C1orf185: variants seen among roughly 807,000 people sequenced by gnomAD.
C1orf185 encodes uncharacterized protein C1orf185.
In C1orf185, 13 loss-of-function variants were observed where a neutral mutation model predicts 16.1. The observed-to-expected ratio is 0.81, with a 90% CI of 0.53 to 1.28. The LOEUF (loss-of-function observed/expected upper bound fraction) is 1.28, where lower values mean the gene tolerates loss of function less well. Among genes scored for constraint, C1orf185 ranks in the 50% most tolerant of loss-of-function variants. C1orf185 has a pLI of 0.00. For missense variants in C1orf185, 220 were observed against 225.2 expected, an observed-to-expected ratio of 0.98 and a Z score of 0.15; for synonymous variants, 80 against 76.9, an observed-to-expected ratio of 1.04 and a Z score of -0.21.
At chr1:51,151,769 A>C (rs1646430324), downstream of C1orf185, among the ~76,000 whole-genome samples, 1 of 151,956 alleles carries the variant, frequency 6.6e-6, no homozygotes, top group South Asian at 2.1e-4. Flanking sequence ...GGCTCACTGC[A>C]ACCTCCGCCA....
At chr1:51,142,610 A>G (rs1646372503) in intron 3 of C1orf185, among the ~76,000 whole-genome samples, 2 of 152,168 alleles carry the variant, frequency 1.3e-5, no homozygotes, top group African/African-American at 4.8e-5. Context: ...CTCTCCTTGA[A>G]TGAGTTTTGG....
At chr1:51,152,236 G>A (rs574758188), downstream of C1orf185, among the ~76,000 whole-genome samples, 4 of 152,288 alleles carry the variant, frequency 2.6e-5, no homozygotes, top group African/African-American at 7.2e-5. Flanking sequence ...GACATAGGGC[G>A]GAGGAGTAAG....
chr1:51,123,393 T>C (rs997542521), intron 3 of C1orf185, among the ~76,000 whole-genome samples: 7 of 152,234 alleles, frequency 4.6e-5, no homozygotes, highest in African/African-American at 1.7e-4. Context: ...TTGTATACCA[T>C]AGTTTATTTA....
chr1:51,150,553 C>T (rs911896010), downstream of C1orf185, among the ~76,000 whole-genome samples: 2 of 152,102 alleles, frequency 1.3e-5, no homozygotes, highest in Non-Finnish European at 2.9e-5. Context: ...AATCTTACTC[C>T]ATATCATAGG....
chr1:51,123,455 T>C (rs958283505), intron 3 of C1orf185, among the ~76,000 whole-genome samples: 1 of 152,256 alleles, frequency 6.6e-6, no homozygotes. Context: ...TTGGCAATTA[T>C]GAATAAAGTT....
At chr1:51,148,246 C>A (rs1216536959), downstream of C1orf185, among the ~76,000 whole-genome samples, 5 of 152,160 alleles carry the variant, frequency 3.3e-5, no homozygotes, top group African/African-American at 1.2e-4. Context: ...GCTTCAGCCT[C>A]CTGAGTAGCT....
At chr1:51,115,991 T>G (rs990785911) in intron 2 of C1orf185, among the ~76,000 whole-genome samples, 1 of 152,140 alleles carries the variant, frequency 6.6e-6, no homozygotes, top group Non-Finnish European at 1.5e-5. Flanking sequence ...AGCTCAGCCA[T>G]TTACTGAGAC....
chr1:51,138,297 A>G (rs1022267927), intron 3 of C1orf185, among the ~76,000 whole-genome samples: 5 of 152,252 alleles, frequency 3.3e-5, no homozygotes, highest in African/African-American at 1.2e-4. Context: ...TAAAATACAC[A>G]TAACAAAATT....
chr1:51,113,659 T>A (rs537639044), intron 2 of C1orf185, among the ~76,000 whole-genome samples: 2 of 152,284 alleles, frequency 1.3e-5, no homozygotes, highest in East Asian at 3.9e-4. Context: ...CACTACAGCC[T>A]GGGTGAAAAG....
intron 2 of C1orf185, among the ~76,000 whole-genome samples, chr1:51,115,477 T>G (rs1047446261): frequency 1.3e-5 from 2 of 152,238 alleles, no homozygotes; most frequent in African/African-American, 4.8e-5. Context: ...GGTCATTTTG[T>G]TTTTAGCTCT....
rs151170451 is a variant in C1orf185 at position 51,111,523 on chromosome 1, G to A, written c.17-941G>A. Among the ~76,000 whole-genome samples, 784 of 151,126 alleles carry A rather than the reference G, an allele frequency of 5.2e-3. 9 individuals carry two copies. Among genetic ancestry groups the A allele is most frequent in the African/African-American group, 0.018 (741 of 41,204 alleles). Reference sequence around the variant, plus strand: ...GAGTAGCTGGGACTAACAGGCAAATGCCATCACACCTGGTTAATTTTTTTT... The same window carrying A: ...GAGTAGCTGGGACTAACAGGCAAATACCATCACACCTGGTTAATTTTTTTT... On this transcript the variant is annotated intron_variant, in intron 1 of 4. Coordinates refer to ENST00000371759, the MANE Select transcript of C1orf185 (RefSeq NM_001136508.2).
At chr1:51,130,929 T>C (rs1304982275) in intron 3 of C1orf185, among the ~76,000 whole-genome samples, 2 of 152,122 alleles carry the variant, frequency 1.3e-5, no homozygotes, top group African/African-American at 4.8e-5. Context: ...TGAGATGGAG[T>C]TTCACTCTTG....
intron 3 of C1orf185, among the ~76,000 whole-genome samples, chr1:51,135,209 A>G (rs1253259478): frequency 6.6e-6 from 1 of 152,198 alleles, no homozygotes; most frequent in Non-Finnish European, 1.5e-5. Context: ...CAAATCAATA[A>G]ATGTGATTCA....
chr1:51,132,047 C>A (rs1020835096), intron 3 of C1orf185, among the ~76,000 whole-genome samples: 1 of 152,146 alleles, frequency 6.6e-6, no homozygotes, highest in Non-Finnish European at 1.5e-5. Flanking sequence ...GCTGAATCCA[C>A]CTTATACCAA....
chr1:51,130,024 A>G (rs1275495275), intron 3 of C1orf185, among the ~76,000 whole-genome samples: 1 of 152,198 alleles, frequency 6.6e-6, no homozygotes, highest in Non-Finnish European at 1.5e-5. Flanking sequence ...ATGGCTGAGT[A>G]GTATAACATT....
chr1:51,113,112 C>T (rs1003594566), intron 2 of C1orf185, among the ~76,000 whole-genome samples: 1 of 151,894 alleles, frequency 6.6e-6, no homozygotes, highest in African/African-American at 2.4e-5. Context: ...AGCCACCACA[C>T]CCGGCCTTTA....
chr1:51,142,494 G>T (rs1467351134), intron 3 of C1orf185, among the ~76,000 whole-genome samples: 2 of 152,106 alleles, frequency 1.3e-5, no homozygotes, highest in Non-Finnish European at 2.9e-5. Flanking sequence ...TTCACCAAAT[G>T]GTTGGTATAA....
downstream of C1orf185, among the ~76,000 whole-genome samples, chr1:51,151,937 C>T (rs1390852864): frequency 6.6e-6 from 1 of 152,128 alleles, no homozygotes; most frequent in African/African-American, 2.4e-5. Context: ...GATCCAAACA[C>T]CTCAGCCTCC....
At chr1:51,109,795 AT>A (rs1333054389) in intron 1 of C1orf185, among the ~76,000 whole-genome samples, 1 of 152,034 alleles carries the variant, frequency 6.6e-6, no homozygotes, top group Non-Finnish European at 1.5e-5. Context: ...TTATTATAGC[AT>A]TGTAGTATAT....
Sources: allele counts gnomAD v4.1 joint callset (sites outside exome capture counted in the v4.1 genomes callset), GRCh38; gene constraint gnomAD v4.1.1; transcripts MANE v1.5; gene names NCBI Gene and HGNC (gene_info 2026-07-23, HGNC 2026-07-21).